The following MYT1L variants were observed in gnomAD, a reference collection of about 807,000 sequenced individuals.
The protein encoded by MYT1L is myelin transcription factor 1 like.
MYT1L carries 12 observed loss-of-function variants against 126.7 expected under a neutral mutation model. The ratio of observed to expected loss-of-function variants is 0.09; its 90% CI spans 0.06 to 0.15. The LOEUF (loss-of-function observed/expected upper bound fraction) is 0.15. Among genes scored for constraint, MYT1L ranks in the 10% least tolerant of loss-of-function variants. The pLI is 1.00. For missense variants in MYT1L, 979 were observed against 1,585.2 expected, an observed-to-expected ratio of 0.62 and a Z score of 6.49; for synonymous variants, 541 against 604.2, an observed-to-expected ratio of 0.90 and a Z score of 1.53.
chr2:1,881,111 C>A (rs556371810), intron 18 of MYT1L, among the ~76,000 whole-genome samples: 58 of 152,212 alleles, frequency 3.8e-4, no homozygotes, highest in Non-Finnish European at 7.6e-4. Context: ...TGGGTCCCTC[C>A]CTTAATAATC....
At chr2:2,268,282 T>C (rs577262181) in intron 2 of MYT1L, among the ~76,000 whole-genome samples, 9 of 152,114 alleles carry the variant, frequency 5.9e-5, no homozygotes, top group Non-Finnish European at 7.4e-5. Context: ...AATACAGAAA[T>C]TTACTTTTCA....
At chr2:2,170,003 A>T (rs2089783519) in intron 3 of MYT1L, among the ~76,000 whole-genome samples, 1 of 152,222 alleles carries the variant, frequency 6.6e-6, no homozygotes, top group Non-Finnish European at 1.5e-5. Flanking sequence ...AGTCTCTTGA[A>T]TTCTGCTCTG....
At chr2:2,314,815 GTACAGAAACAGACACA>G (rs1182888306) in intron 1 of MYT1L, among the ~76,000 whole-genome samples, 1 of 152,048 alleles carries the variant, frequency 6.6e-6, no homozygotes. Flanking sequence ...TATGGTACTG[GTACAGAAACAGACACA>G]TAGAGCAATG....
chr2:2,265,323 T>C (rs1052456990), intron 2 of MYT1L, among the ~76,000 whole-genome samples: 4 of 152,016 alleles, frequency 2.6e-5, no homozygotes, highest in Non-Finnish European at 2.9e-5. Context: ...TTTTTTTTTT[T>C]CCTTTTTTTA....
At chr2:2,067,397 A>AC (rs2150198915) in intron 3 of MYT1L, among the ~76,000 whole-genome samples, 1 of 152,310 alleles carries the variant, frequency 6.6e-6, no homozygotes, top group South Asian at 2.1e-4. Flanking sequence ...CTGTATTCTC[A>AC]CATCATATGC....
rs750346555 is a variant in MYT1L at position 1,823,384 on chromosome 2, C to T, written c.3081-14217G>A. Reference sequence around the variant, plus strand: ...CTGTGGCAGCTGTAGTTGTAGCCTTCTCTCCACTTGGGGCACTCAGGTCCA... The same window carrying T: ...CTGTGGCAGCTGTAGTTGTAGCCTTTTCTCCACTTGGGGCACTCAGGTCCA... On this transcript the variant is annotated intron_variant, in intron 21 of 24. Coordinates refer to ENST00000647738, the MANE Select transcript of MYT1L (RefSeq NM_001303052.2). Among the ~76,000 whole-genome samples the T allele has an allele frequency of 5.3e-4, 81 of 152,358 alleles. 1 individual carries two copies. The highest frequency in any genetic ancestry group is 6.5e-4 in the Non-Finnish European group (44 of 68,028).
At chr2:2,041,369 G>A (rs146968663) in intron 4 of MYT1L, among the ~76,000 whole-genome samples, 44 of 152,302 alleles carry the variant, frequency 2.9e-4, no homozygotes, top group African/African-American at 9.6e-4. Flanking sequence ...TAGATGGGAA[G>A]CTACTGGGGG....
At chr2:2,029,843 A>G (rs777002852) in intron 4 of MYT1L, among the ~76,000 whole-genome samples, 4 of 152,232 alleles carry the variant, frequency 2.6e-5, no homozygotes, top group South Asian at 2.1e-4. Flanking sequence ...GACCAAAACC[A>G]TATTTGTCAA....
chr2:1,981,224 G>A (rs1035196301), intron 5 of MYT1L, among the ~76,000 whole-genome samples: 5 of 152,120 alleles, frequency 3.3e-5, no homozygotes, highest in Non-Finnish European at 5.9e-5. Context: ...TTATGGTATC[G>A]GGGGATAAAA....
chr2:2,327,794 A>C (rs1160987433), intron 1 of MYT1L, among the ~76,000 whole-genome samples: 2 of 152,218 alleles, frequency 1.3e-5, no homozygotes, highest in African/African-American at 4.8e-5. Flanking sequence ...AGAGCATCTG[A>C]CTAGTCCCTC....
chr2:2,187,117 G>A (rs1471409702), intron 2 of MYT1L, among the ~76,000 whole-genome samples: 2 of 152,196 alleles, frequency 1.3e-5, no homozygotes, highest in Non-Finnish European at 2.9e-5. Flanking sequence ...CACAGTGAGT[G>A]ACAGACAAGC....
At chr2:2,244,542 G>A (rs1376682809) in intron 2 of MYT1L, among the ~76,000 whole-genome samples, 2 of 152,178 alleles carry the variant, frequency 1.3e-5, no homozygotes, top group Non-Finnish European at 2.9e-5. Flanking sequence ...AACATCCCAA[G>A]TTTCAGATAT....
Position 1,929,158 on chromosome 2 carries a change from A to G in MYT1L, c.506-5895T>C, listed in dbSNP as rs1276486611. On this transcript the variant is annotated intron_variant, in intron 9 of 24. Coordinates refer to ENST00000647738, the MANE Select transcript of MYT1L (RefSeq NM_001303052.2). This position sits in a 1 kb window ranked among gnomAD's most constrained non-coding sequence, Gnocchi z 4.7. ...GAGACACTGCAGTCTCTTTCCTTTC[A>G]TAAGAGGGGAGAAGTCACTTTCCCA... Among the ~76,000 whole-genome samples, 2 of 152,064 alleles carry G rather than the reference A, an allele frequency of 1.3e-5. No homozygotes were observed. Among genetic ancestry groups the G allele is most frequent in the African/African-American group, 2.4e-5 (1 of 41,412 alleles).
chr2:2,086,580 A>C (rs1350029778), intron 3 of MYT1L, among the ~76,000 whole-genome samples: 1 of 152,136 alleles, frequency 6.6e-6, no homozygotes, highest in Non-Finnish European at 1.5e-5. Flanking sequence ...ATCACTCTGC[A>C]ATCCTGACAA....
At position 1,996,573 on chromosome 2, in the gene MYT1L, T is replaced by A. The variant is rs13022323; in HGVS notation, c.-1+618A>T. ...TGCACAGAACCGAGTGTAGACGGGC[T>A]GCCTTTACCTAGTGAGTGAGGGCCG... On this transcript the variant is annotated intron_variant, in intron 5 of 24. Transcript: ENST00000647738. Among the ~76,000 whole-genome samples, 15 of 51,654 alleles carry A rather than the reference T, an allele frequency of 2.9e-4. No individual in the cohort carries two copies. In the South Asian group the frequency reaches 3.5e-3, roughly 12 times the overall value. 33.9% of individuals were successfully genotyped at this position (51,654 alleles called of 152,430 possible).
chr2:1,974,039 G>A lies in MYT1L; in HGVS notation c.152+5126C>T, dbSNP rs116736833. On this transcript the variant is annotated intron_variant, in intron 8 of 24. Transcript: ENST00000647738. ...TTCCATCTATCCACAAAACAATAGC[G>A]GACGGTACACCGGGACAGCTTCTGT... Among the ~76,000 whole-genome samples the A allele has an allele frequency of 3.0e-4, 46 of 152,320 alleles. 1 individual carries two copies. Among genetic ancestry groups the A allele is most frequent in the East Asian group, 1.7e-3 (9 of 5,188 alleles).
chr2:1,891,927 G>C (rs958525587), intron 15 of MYT1L, 110 bp downstream of exon 15: 1 of 1,427,614 alleles, frequency 7.0e-7, no homozygotes, highest in Non-Finnish European at 9.1e-7. Flanking sequence ...AGGAGATCAC[G>C]GCGTTTGCCC....
chr2:1,809,418 G>GA, intron 21 of MYT1L, among the ~76,000 whole-genome samples: 1 of 113,128 alleles, frequency 8.8e-6, no homozygotes, highest in Non-Finnish European at 2.0e-5. Flanking sequence ...GCCTCTTGGC[G>GA]GGGGGTCTTG....
chr2:2,279,547 AAG>A (rs1236147750), intron 2 of MYT1L, among the ~76,000 whole-genome samples: 5 of 146,660 alleles, frequency 3.4e-5, no homozygotes, highest in South Asian at 2.3e-4. Flanking sequence ...GAGAGAGAGA[AAG>A]AGAGAAGGAA....
Sources: gnomAD v4.1 joint callset for allele counts (sites outside exome capture counted in the v4.1 genomes callset) on GRCh38, gnomAD v4.1.1 for gene constraint, Gnocchi (gnomAD v3.1) non-coding constraint, MANE v1.5 for transcripts, NCBI Gene and HGNC (gene_info 2026-07-23, HGNC 2026-07-21) for gene names.